The following LINGO2 variants were observed in gnomAD, a reference collection of about 807,000 sequenced individuals.
LINGO2 encodes the protein leucine-rich repeat and immunoglobulin-like domain-containing nogo receptor-interacting protein 2.
A neutral mutation model predicts 30.6 loss-of-function variants in LINGO2; 14 were observed. That is an observed-to-expected ratio of 0.46 (90% CI 0.30 to 0.72). The LOEUF (loss-of-function observed/expected upper bound fraction) is 0.72, where lower values mean the gene tolerates loss of function less well. Among genes scored for constraint, LINGO2 ranks in the 30% least tolerant of loss-of-function variants. The pLI is 0.07. For synonymous variants in LINGO2, 317 were observed against 288.5 expected (o/e 1.10, Z -1.00); for missense variants, 729 against 751.7 (o/e 0.97, Z 0.35).
chr9:28,668,280 G>T (rs1047392895), intron 1 of LINGO2, among the ~76,000 whole-genome samples: 13 of 151,964 alleles, frequency 8.6e-5, no homozygotes, highest in African/African-American at 3.1e-4. Flanking sequence ...CAAAAGAAAA[G>T]GAACCAGTGC....
intron 1 of LINGO2, among the ~76,000 whole-genome samples, chr9:28,567,894 A>C (rs1823467325): frequency 6.6e-6 from 1 of 152,040 alleles, no homozygotes; most frequent in South Asian, 2.1e-4. Flanking sequence ...TTCCCTCCTC[A>C]TGCAGTTCTT....
At chr9:28,680,245 T>C in the LINGO2 span, among the ~76,000 whole-genome samples, 1 of 152,122 alleles carries the variant, frequency 6.6e-6, no homozygotes, top group Non-Finnish European at 1.5e-5. Flanking sequence ...CTTATTTCAC[T>C]TAACACGATG....
At chr9:29,047,127 A>T in the LINGO2 span, among the ~76,000 whole-genome samples, 1 of 152,060 alleles carries the variant, frequency 6.6e-6, no homozygotes, top group South Asian at 2.1e-4. Flanking sequence ...AATGGGTGAA[A>T]ATATTAGCAA....
chr9:28,525,753 T>G (rs1227097432), intron 1 of LINGO2, among the ~76,000 whole-genome samples: 1 of 152,020 alleles, frequency 6.6e-6, no homozygotes, highest in Non-Finnish European at 1.5e-5. Context: ...TAAAAATATG[T>G]TTTTTAAAAC....
the LINGO2 span, among the ~76,000 whole-genome samples, chr9:28,865,994 C>T: frequency 1.3e-5 from 2 of 152,098 alleles, no homozygotes; most frequent in Non-Finnish European, 2.9e-5. Context: ...CCATATGTAG[C>T]ACTCTATGTT....
intron 4 of LINGO2, among the ~76,000 whole-genome samples, chr9:28,199,515 T>G (rs1166863896): frequency 6.6e-6 from 1 of 152,016 alleles, no homozygotes; most frequent in Non-Finnish European, 1.5e-5. Flanking sequence ...ATTTTTTGTA[T>G]TTTAAGTAGA....
At chr9:28,735,180 G>C in the LINGO2 span, among the ~76,000 whole-genome samples, 2 of 152,126 alleles carry the variant, frequency 1.3e-5, no homozygotes, top group African/African-American at 4.8e-5. Flanking sequence ...TTAAGAGACA[G>C]GGTAGAGAAG....
At chr9:28,743,431 G>A in the LINGO2 span, among the ~76,000 whole-genome samples, 5 of 151,826 alleles carry the variant, frequency 3.3e-5, no homozygotes, top group African/African-American at 1.2e-4. Context: ...GAGAACATGT[G>A]CTGTTGGTTT....
At chr9:28,243,750 G>C (rs1821895553) in intron 4 of LINGO2, among the ~76,000 whole-genome samples, 1 of 152,100 alleles carries the variant, frequency 6.6e-6, no homozygotes, top group African/African-American at 2.4e-5. Context: ...TAATGGTAAA[G>C]AGAACAATTC....
chr9:28,656,652 A>G (rs1193012774), intron 1 of LINGO2, among the ~76,000 whole-genome samples: 2 of 152,132 alleles, frequency 1.3e-5, no homozygotes, highest in South Asian at 2.1e-4. Flanking sequence ...ATGTGATCCT[A>G]TGCTTTCTAT....
intron 2 of LINGO2, among the ~76,000 whole-genome samples, chr9:28,462,287 G>T (rs759614306): frequency 6.6e-6 from 1 of 151,700 alleles, no homozygotes; most frequent in Non-Finnish European, 1.5e-5. Context: ...AAATAATACA[G>T]AATTATGGCA....
chr9:28,275,941 A>C (rs1208132090), intron 4 of LINGO2, among the ~76,000 whole-genome samples: 1 of 152,164 alleles, frequency 6.6e-6, no homozygotes, highest in Non-Finnish European at 1.5e-5. Flanking sequence ...CAATCATTTG[A>C]TCTGGAGTTC....
the LINGO2 span, among the ~76,000 whole-genome samples, chr9:28,741,046 C>T: frequency 1.8e-3 from 275 of 152,072 alleles, 1 homozygote; most frequent in Non-Finnish European, 2.6e-3. Flanking sequence ...ACTGAGTTCA[C>T]ATGAGCTAGT....
At chr9:28,930,449 C>A in the LINGO2 span, among the ~76,000 whole-genome samples, 1 of 152,106 alleles carries the variant, frequency 6.6e-6, no homozygotes, top group Non-Finnish European at 1.5e-5. The surrounding 1 kb of genome is among the most constrained non-coding windows in gnomAD (Gnocchi z 4.2). Flanking sequence ...TATGACCTCG[C>A]ATTTAAGATT....
chr9:29,086,361 A>G, the LINGO2 span, among the ~76,000 whole-genome samples: 2 of 150,914 alleles, frequency 1.3e-5, no homozygotes, highest in African/African-American at 2.4e-5. Flanking sequence ...ATTATAAGAA[A>G]CATATTACTC....
At chr9:28,849,084 A>C in the LINGO2 span, among the ~76,000 whole-genome samples, 1 of 152,062 alleles carries the variant, frequency 6.6e-6, no homozygotes, top group African/African-American at 2.4e-5. Flanking sequence ...ATTAAGGAGG[A>C]AAAACTTTCA....
At chr9:28,628,801 A>G (rs957339917) in intron 1 of LINGO2, among the ~76,000 whole-genome samples, 1 of 152,054 alleles carries the variant, frequency 6.6e-6, no homozygotes, top group Non-Finnish European at 1.5e-5. Flanking sequence ...CTCAGCAATG[A>G]TGAGCCTCCG....
chr9:28,943,245 A>G, the LINGO2 span, among the ~76,000 whole-genome samples: 389 of 152,158 alleles, frequency 2.6e-3, 1 homozygote, highest in African/African-American at 8.7e-3. Context: ...ATAACTGAGG[A>G]CTCCATTATG....
intron 1 of LINGO2, among the ~76,000 whole-genome samples, chr9:28,634,284 G>A (rs117226018): frequency 6.6e-6 from 1 of 152,148 alleles, no homozygotes; most frequent in East Asian, 1.9e-4. Flanking sequence ...CTGAGGGAAT[G>A]TTGTGTAACT....
Sources: allele counts gnomAD v4.1 joint callset (sites outside exome capture counted in the v4.1 genomes callset), GRCh38; gene constraint gnomAD v4.1.1; non-coding constraint Gnocchi (gnomAD v3.1); transcripts MANE v1.5; gene names NCBI Gene and HGNC (gene_info 2026-07-23, HGNC 2026-07-21).